The following PDE11A variants were observed in gnomAD, a reference collection of about 807,000 sequenced individuals.
PDE11A encodes the protein dual 3',5'-cyclic-AMP and -GMP phosphodiesterase 11A.
In PDE11A, 100 loss-of-function variants were observed where a neutral mutation model predicts 100.5. That is an observed-to-expected ratio of 1.00 (90% CI 0.85 to 1.18). The LOEUF is 1.18. Ranked by LOEUF, PDE11A falls within the 50% of genes most tolerant of loss-of-function variation. The pLI, the probability that PDE11A is intolerant of heterozygous loss-of-function variation, is 0.00. For missense variants in PDE11A, 1,141 were observed against 1,152.6 expected (o/e 0.99, Z 0.15); for synonymous variants, 381 against 420.8 (o/e 0.91, Z 1.16).
intron 9 of PDE11A, among the ~76,000 whole-genome samples, chr2:177,784,307 T>C (rs1306535378): frequency 6.6e-6 from 1 of 151,548 alleles, no homozygotes; most frequent in Non-Finnish European, 1.5e-5. Context: ...CATTATACAC[T>C]AATTATAATA....
At chr2:178,096,169 C>CTTTTCTTTTTTTTTTTTTTTTTTT (rs763493838) in intron 2 of PDE11A, among the ~76,000 whole-genome samples, 1 of 120,110 alleles carries the variant, frequency 8.3e-6, no homozygotes, top group African/African-American at 3.2e-5. Context: ...CTTTTCTTTT[C>CTTTTCTTTTTTTTTTTTTTTTTTT]TTTTTTTTTT....
intron 2 of PDE11A, chr2:177,997,450 T>C (rs1574331707): frequency 8.4e-6 from 7 of 828,764 alleles, no homozygotes; most frequent in Non-Finnish European, 1.5e-5. Context: ...ATAGTGTTAC[T>C]GTGCTCTTAC....
rs1468008567 is a variant in PDE11A, at chr2:178,051,520, T to A, written c.912+20006A>T. Among the ~76,000 whole-genome samples the A allele has an allele frequency of 1.2e-4, 18 of 152,254 alleles. No individual in the cohort carries two copies. The East Asian group carries it at 3.3e-3, about 28-fold the overall frequency. ...CACACATAACAATATTAACCTTAAA[T>A]GTAAATGGGCTAAATGCTCCAATTA... is the stretch of plus-strand genomic sequence containing the variant. On this transcript the variant is annotated intron_variant, in intron 1 of 19. Coordinates refer to ENST00000286063, the MANE Select transcript of PDE11A (RefSeq NM_016953.4).
rs188943538 is a variant in PDE11A, at chr2:177,997,236, A to G, written c.1071+17066T>C. The G allele has an allele frequency of 1.4e-3, 1,793 of 1,307,406 alleles. 12 individuals carry two copies. Among genetic ancestry groups the G allele is most frequent in the East Asian group, 1.3e-3 (57 of 43,258 alleles). The allele number at this position is 1,307,406 out of a possible 1,614,324, so 81.0% of individuals were successfully genotyped here. On this transcript the variant is annotated intron_variant, in intron 2 of 19. Transcript: ENST00000286063. ...GACTACGATTTCTTCGTGTGCCCCA[A>G]CCTCGGCCCCCTCTACTTTCCCTGA...
intron 2 of PDE11A, among the ~76,000 whole-genome samples, chr2:177,937,600 A>C (rs922164524): frequency 6.6e-6 from 1 of 152,200 alleles, no homozygotes; most frequent in Non-Finnish European, 1.5e-5. Context: ...TACAGGCGTG[A>C]GCCACCGCGT....
chr2:177,967,822 C>T (rs369739573), intron 2 of PDE11A, among the ~76,000 whole-genome samples: 3 of 151,976 alleles, frequency 2.0e-5, no homozygotes, highest in African/African-American at 4.8e-5. Context: ...CAGCTAATTC[C>T]CATAACAATT....
chr2:177,704,265 TA>T (rs2105546959), intron 13 of PDE11A, among the ~76,000 whole-genome samples: 1 of 152,330 alleles, frequency 6.6e-6, no homozygotes, highest in Non-Finnish European at 1.5e-5. Context: ...AACCTTGCAC[TA>T]AAAATGCTCA....
At chr2:178,068,727 A>T (rs2087084101) in intron 1 of PDE11A, among the ~76,000 whole-genome samples, 2 of 152,212 alleles carry the variant, frequency 1.3e-5, no homozygotes, top group African/African-American at 4.8e-5. Context: ...CATTAAGAGA[A>T]ATCTGTAACA....
intron 2 of PDE11A, among the ~76,000 whole-genome samples, chr2:177,986,580 C>G (rs948316242): frequency 6.6e-6 from 1 of 151,996 alleles, no homozygotes; most frequent in African/African-American, 2.4e-5. Flanking sequence ...GCCTGCAATC[C>G]CAGCACTTTG....
intron 19 of PDE11A, among the ~76,000 whole-genome samples, chr2:177,640,464 C>T (rs146997515): frequency 1.1e-3 from 170 of 152,272 alleles, no homozygotes; most frequent in African/African-American, 3.9e-3. Context: ...CTCATGAATT[C>T]GTGTGCCTGT....
intron 2 of PDE11A, among the ~76,000 whole-genome samples, chr2:177,982,735 T>C (rs1237832910): frequency 1.3e-5 from 2 of 150,648 alleles, no homozygotes; most frequent in African/African-American, 4.8e-5. Context: ...TGTAATTTCT[T>C]GATAGCCAAA....
intron 2 of PDE11A, among the ~76,000 whole-genome samples, chr2:178,095,346 A>G (rs1057507448): frequency 6.6e-6 from 1 of 152,224 alleles, no homozygotes; most frequent in African/African-American, 2.4e-5. Flanking sequence ...CCAGCACGGC[A>G]GTCAAATCTT....
At chr2:178,017,504 T>C (rs1340805812) in intron 1 of PDE11A, among the ~76,000 whole-genome samples, 2 of 152,166 alleles carry the variant, frequency 1.3e-5, no homozygotes, top group Non-Finnish European at 2.9e-5. Flanking sequence ...CTAAATATCA[T>C]TTATGGATTC....
At chr2:177,919,865 G>A (rs1334385251) in intron 2 of PDE11A, among the ~76,000 whole-genome samples, 1 of 152,022 alleles carries the variant, frequency 6.6e-6, no homozygotes, top group Non-Finnish European at 1.5e-5. Flanking sequence ...AGAAATAAGA[G>A]GAACCAATTG....
At chr2:177,726,267 C>T (rs1057386412) in intron 12 of PDE11A, among the ~76,000 whole-genome samples, 1 of 152,052 alleles carries the variant, frequency 6.6e-6, no homozygotes, top group Non-Finnish European at 1.5e-5. Context: ...AGCACAAGTC[C>T]CTAGTATAAA....
chr2:177,690,008 C>A (rs2081019848), intron 15 of PDE11A, among the ~76,000 whole-genome samples: 1 of 152,158 alleles, frequency 6.6e-6, no homozygotes, highest in African/African-American at 2.4e-5. Context: ...AAGGTAAGAA[C>A]CGTGTCCTAT....
At chr2:177,753,813 C>T (rs921580306) in intron 10 of PDE11A, among the ~76,000 whole-genome samples, 1 of 151,300 alleles carries the variant, frequency 6.6e-6, no homozygotes, top group South Asian at 2.1e-4. Context: ...CATCCTATGA[C>T]ACTGCAGATG....
chr2:177,708,210 T>G (rs979994622), intron 13 of PDE11A, among the ~76,000 whole-genome samples: 3 of 142,084 alleles, frequency 2.1e-5, no homozygotes, highest in African/African-American at 8.0e-5. Context: ...AGCAAAGACA[T>G]GGAATCCTAA....
chr2:177,947,629 C>T (rs1469260104), intron 2 of PDE11A, among the ~76,000 whole-genome samples: 4 of 151,728 alleles, frequency 2.6e-5, no homozygotes, highest in African/African-American at 4.8e-5. Flanking sequence ...ACAAACACTG[C>T]GGAAGGCCGC....
Sources: gnomAD v4.1 joint callset for allele counts (sites outside exome capture counted in the v4.1 genomes callset) on GRCh38, gnomAD v4.1.1 for gene constraint, MANE v1.5 for transcripts, NCBI Gene and HGNC (gene_info 2026-07-23, HGNC 2026-07-21) for gene names.